ATG10: variants seen among roughly 807,000 people sequenced by gnomAD.
ATG10 encodes ubiquitin-like-conjugating enzyme ATG10.
ATG10 carries 30 observed loss-of-function variants against 32.1 expected under a neutral mutation model. The observed-to-expected ratio is 0.94, with a 90% CI of 0.70 to 1.27. ATG10 has a LOEUF of 1.27. Ranked by LOEUF, ATG10 falls within the 50% of genes most tolerant of loss-of-function variation. The pLI, the probability that ATG10 is intolerant of heterozygous loss-of-function variation, is 0.00. For synonymous variants in ATG10, 87 were observed against 91.5 expected, an observed-to-expected ratio of 0.95 and a Z score of 0.28; for missense variants, 233 against 262.3, an observed-to-expected ratio of 0.89 and a Z score of 0.77.
intron 3 of ATG10, among the ~76,000 whole-genome samples, chr5:82,111,128 T>A (rs1021772868): frequency 3.3e-5 from 5 of 152,028 alleles, no homozygotes; most frequent in African/African-American, 1.2e-4. Flanking sequence ...TTCTGTTTGT[T>A]ACAATGGTAT....
chr5:82,074,623 T>G (rs923163694), intron 3 of ATG10, among the ~76,000 whole-genome samples: 5 of 152,196 alleles, frequency 3.3e-5, no homozygotes, highest in African/African-American at 1.2e-4. Context: ...AAGGCAGGTA[T>G]GAGGCAATGA....
intron 2 of ATG10, among the ~76,000 whole-genome samples, chr5:82,054,746 G>A (rs759444587): frequency 7.9e-5 from 12 of 152,064 alleles, no homozygotes; most frequent in Non-Finnish European, 1.5e-4. Context: ...GACTCTTTCT[G>A]GATCAGGTTG....
At chr5:82,063,833 A>G (rs1763861231) in intron 3 of ATG10, among the ~76,000 whole-genome samples, 1 of 152,134 alleles carries the variant, frequency 6.6e-6, no homozygotes, top group South Asian at 2.1e-4. Flanking sequence ...ATCAGAGGGT[A>G]GAGGGTCAAA....
At chr5:82,109,341 A>G (rs1765539989) in intron 3 of ATG10, among the ~76,000 whole-genome samples, 1 of 152,058 alleles carries the variant, frequency 6.6e-6, no homozygotes, top group African/African-American at 2.4e-5. Flanking sequence ...CAGACTTCCT[A>G]AATATGCACA....
chr5:82,215,467 T>C (rs16899425), intron 5 of ATG10, among the ~76,000 whole-genome samples: 23,729 of 152,114 alleles, frequency 0.16, 3,006 homozygotes, highest in African/African-American at 0.35. Context: ...GAAAGCTGCC[T>C]ACCAGACCTT....
chr5:82,137,643 A>G (rs539092217), intron 3 of ATG10, among the ~76,000 whole-genome samples: 1 of 152,172 alleles, frequency 6.6e-6, no homozygotes, highest in African/African-American at 2.4e-5. Flanking sequence ...TGTATGAGGT[A>G]TCTGTCGACC....
chr5:82,143,668 A>AT (rs1201886051), intron 3 of ATG10, among the ~76,000 whole-genome samples: 1 of 152,246 alleles, frequency 6.6e-6, no homozygotes, highest in Non-Finnish European at 1.5e-5. Context: ...TCAAAGACAG[A>AT]TTGGAGACAA....
chr5:82,059,097 T>G (rs1763691055), intron 3 of ATG10, among the ~76,000 whole-genome samples: 1 of 152,180 alleles, frequency 6.6e-6, no homozygotes, highest in Non-Finnish European at 1.5e-5. Flanking sequence ...GAAAATATGC[T>G]GGATCTGGGT....
At chr5:82,160,623 T>C (rs1743284259) in intron 3 of ATG10, among the ~76,000 whole-genome samples, 1 of 152,188 alleles carries the variant, frequency 6.6e-6, no homozygotes, top group South Asian at 2.1e-4. Context: ...CAACCAGCAA[T>C]GTATGATCTA....
intron 1 of ATG10, among the ~76,000 whole-genome samples, chr5:81,983,246 C>CCA (rs1491532837): frequency 1.4e-5 from 2 of 146,898 alleles, no homozygotes; most frequent in Non-Finnish European, 3.1e-5. Flanking sequence ...CCCCCCCCCC[C>CCA]ACCTCCCTCC....
chr5:82,242,329 C>CA (rs1304558051), intron 5 of ATG10, among the ~76,000 whole-genome samples: 2 of 151,486 alleles, frequency 1.3e-5, no homozygotes, highest in African/African-American at 2.4e-5. Flanking sequence ...TATATTGTAG[C>CA]AAAAAACAAG....
Position 82,216,454 on chromosome 5 carries a change from G to T in ATG10, c.454-36108G>T, listed in dbSNP as rs371649080. On this transcript the variant is annotated intron_variant, in intron 5 of 7. Transcript: ENST00000282185. ...ACTTTGATAGATTCTTTAATGAATG[G>T]ATTTTGATGTTCTGATATGGTAAAA... Among the ~76,000 whole-genome samples the T allele has an allele frequency of 2.1e-4, 32 of 152,256 alleles. No individual in the cohort carries two copies. The East Asian group carries it at 3.9e-3, about 18-fold the overall frequency.
chr5:82,042,107 G>A (rs1476249864), intron 2 of ATG10, among the ~76,000 whole-genome samples: 1 of 152,112 alleles, frequency 6.6e-6, no homozygotes, highest in African/African-American at 2.4e-5. Context: ...CTGAGACTGG[G>A]TAATTTATAA....
intron 3 of ATG10, among the ~76,000 whole-genome samples, chr5:82,115,891 G>C (rs1262842837): frequency 6.6e-6 from 1 of 152,048 alleles, no homozygotes; most frequent in Non-Finnish European, 1.5e-5. Flanking sequence ...AGCAGTAACA[G>C]ATTCAAGAGA....
At chr5:82,129,983 G>T (rs985712272) in intron 3 of ATG10, among the ~76,000 whole-genome samples, 3 of 152,174 alleles carry the variant, frequency 2.0e-5, no homozygotes, top group Non-Finnish European at 2.9e-5. Flanking sequence ...CGGGAGATGG[G>T]GGTTTCATCT....
intron 2 of ATG10, among the ~76,000 whole-genome samples, chr5:82,027,115 T>C (rs1020083511): frequency 1.3e-5 from 2 of 151,158 alleles, no homozygotes; most frequent in African/African-American, 4.9e-5. Flanking sequence ...AATAAATTTA[T>C]TGGCAGGGCA....
chr5:82,026,701 A>C (rs937641443), intron 2 of ATG10, among the ~76,000 whole-genome samples: 3 of 152,196 alleles, frequency 2.0e-5, no homozygotes, highest in African/African-American at 7.2e-5. Context: ...TATTTCTAAA[A>C]ATCATGTAAT....
chr5:82,058,671 A>G, intron 3 of ATG10, 69 bp downstream of exon 3: 2 of 1,038,170 alleles, frequency 1.9e-6, no homozygotes, highest in Non-Finnish European at 1.5e-6. Context: ...GTATACTTTA[A>G]TGACTCCATC....
chr5:82,032,907 G>C (rs943809489), intron 2 of ATG10, among the ~76,000 whole-genome samples: 1 of 152,132 alleles, frequency 6.6e-6, no homozygotes, highest in African/African-American at 2.4e-5. Flanking sequence ...TTAGAAACTT[G>C]TCCAAAGTGG....
Sources: allele counts gnomAD v4.1 joint callset (sites outside exome capture counted in the v4.1 genomes callset), GRCh38; gene constraint gnomAD v4.1.1; transcripts MANE v1.5; gene names NCBI Gene and HGNC (gene_info 2026-07-23, HGNC 2026-07-21).